The following CAB39L variants were observed in gnomAD, a reference collection of about 807,000 sequenced individuals.
The protein encoded by CAB39L is calcium binding protein 39 like.
A neutral mutation model predicts 39.1 loss-of-function variants in CAB39L; 23 were observed. The ratio of observed to expected loss-of-function variants is 0.59; its 90% CI spans 0.42 to 0.83. The LOEUF (loss-of-function observed/expected upper bound fraction) is 0.83, where lower values mean the gene tolerates loss of function less well. Among genes scored for constraint, CAB39L ranks in the 40% least tolerant of loss-of-function variants. CAB39L has a pLI of 0.00. For synonymous variants in CAB39L, 126 were observed against 137.2 expected (o/e 0.92, Z 0.57); for missense variants, 366 against 391.9 (o/e 0.93, Z 0.56).
intron 3 of CAB39L, among the ~76,000 whole-genome samples, chr13:49,406,260 C>G (rs1206980948): frequency 6.6e-6 from 1 of 150,880 alleles, no homozygotes; most frequent in Non-Finnish European, 1.5e-5. Context: ...CTCCGCCTCC[C>G]AGGTTCACGC....
chr13:49,310,700 G>T lies in CAB39L; in HGVS notation c.*114C>A. On this transcript the variant is annotated 3_prime_UTR_variant, in exon 11 of 11. Transcript: ENST00000409308. ...ACTCCATCTACCCAGAACAATTACA[G>T]CAGAAAAAATAGGCACCTCCAAAGT... 2 of 1,018,876 alleles carry T rather than the reference G, an allele frequency of 2.0e-6. No homozygotes were observed. The highest frequency in any genetic ancestry group is 2.9e-6 in the Non-Finnish European group (2 of 692,938). 63.1% of individuals were successfully genotyped at this position (1,018,876 alleles called of 1,614,324 possible). A position where few individuals can be genotyped will look rare whatever the true frequency, so the allele number is the denominator to read the frequency against.
chr13:49,323,738 T>C (rs7336904), intron 10 of CAB39L, among the ~76,000 whole-genome samples: 151,727 of 152,348 alleles, frequency 1, 75,557 homozygotes, highest in Middle Eastern at 1. Context: ...TTTTAAAAGA[T>C]ACTATATTAC....
intron 7 of CAB39L, 115 bp downstream of exon 7, chr13:49,350,628 TG>T: frequency 9.2e-6 from 6 of 648,764 alleles, no homozygotes; most frequent in Non-Finnish European, 1.3e-5. Flanking sequence ...ACATCATACA[TG>T]GTTGGCTACA....
At chr13:49,343,785 G>T (rs1955069281) in intron 8 of CAB39L, among the ~76,000 whole-genome samples, 1 of 152,124 alleles carries the variant, frequency 6.6e-6, no homozygotes, top group African/African-American at 2.4e-5. Flanking sequence ...GAAGGGAGTT[G>T]CAAGATAAAA....
intron 7 of CAB39L, among the ~76,000 whole-genome samples, chr13:49,345,506 G>A (rs1279576899): frequency 6.6e-6 from 1 of 152,090 alleles, no homozygotes; most frequent in Non-Finnish European, 1.5e-5. Flanking sequence ...CCATTTACAG[G>A]GGTTCCGTTC....
chr13:49,408,826 GT>G (rs1304089544), intron 3 of CAB39L, among the ~76,000 whole-genome samples: 42 of 151,982 alleles, frequency 2.8e-4, no homozygotes, highest in Admixed American at 6.5e-5. Flanking sequence ...GTGAGACCCT[GT>G]CCCCTCCCCC....
At chr13:49,411,759 G>A (rs1220896506) in intron 3 of CAB39L, among the ~76,000 whole-genome samples, 1 of 152,070 alleles carries the variant, frequency 6.6e-6, no homozygotes, top group Non-Finnish European at 1.5e-5. Context: ...TCACAGTTTT[G>A]AGCTAAGGAA....
chr13:49,404,055 C>T (rs1437524614), intron 3 of CAB39L, among the ~76,000 whole-genome samples: 2 of 152,184 alleles, frequency 1.3e-5, no homozygotes, highest in African/African-American at 4.8e-5. Context: ...ATAGTTGTTA[C>T]AGGCCTTGGG....
intron 3 of CAB39L, among the ~76,000 whole-genome samples, chr13:49,429,658 A>G (rs1957290683): frequency 1.3e-5 from 2 of 152,238 alleles, no homozygotes. Context: ...TTAACTAAAG[A>G]TGCTACCAGC....
chr13:49,377,155 C>G, intron 4 of CAB39L, 24 bp from the exon 5 acceptor site: 1 of 1,593,642 alleles, frequency 6.3e-7, no homozygotes, highest in Non-Finnish European at 8.6e-7. Flanking sequence ...CGTATGCTAA[C>G]GGTTAAAAGA....
intron 3 of CAB39L, among the ~76,000 whole-genome samples, chr13:49,431,963 CTA>C (rs1425039930): frequency 1.3e-5 from 2 of 151,994 alleles, no homozygotes; most frequent in Non-Finnish European, 2.9e-5. Context: ...AAGGAATAAA[CTA>C]TTAATATACA....
intron 3 of CAB39L, among the ~76,000 whole-genome samples, chr13:49,394,313 A>G (rs553824934): frequency 6.6e-6 from 1 of 151,274 alleles, no homozygotes; most frequent in East Asian, 1.9e-4. Flanking sequence ...TCTCTATAAT[A>G]AAAAAAAATG....
intron 10 of CAB39L, among the ~76,000 whole-genome samples, chr13:49,327,579 C>T (rs754128378): frequency 2.0e-5 from 3 of 152,194 alleles, no homozygotes; most frequent in Admixed American, 6.5e-5. Flanking sequence ...TCTGGGATTA[C>T]GGGCATGAGC....
At chr13:49,441,095 A>G (rs555457480) in intron 1 of CAB39L, among the ~76,000 whole-genome samples, 10 of 151,528 alleles carry the variant, frequency 6.6e-5, no homozygotes, top group Admixed American at 2.0e-4. Context: ...AAATTCTCTT[A>G]GCTTACTCTG....
At chr13:49,398,717 T>C (rs533605171) in intron 3 of CAB39L, among the ~76,000 whole-genome samples, 31 of 152,234 alleles carry the variant, frequency 2.0e-4, no homozygotes, top group Admixed American at 1.7e-3. Flanking sequence ...TTTCATATAC[T>C]GGCAATTCAC....
At chr13:49,373,311 A>G (rs1401600500) in intron 5 of CAB39L, among the ~76,000 whole-genome samples, 1 of 152,138 alleles carries the variant, frequency 6.6e-6, no homozygotes, top group Non-Finnish European at 1.5e-5. Flanking sequence ...TTGCCTAGAG[A>G]CTTCAGCCTT....
At chr13:49,390,578 G>C (rs918869821) in intron 3 of CAB39L, among the ~76,000 whole-genome samples, 1 of 151,794 alleles carries the variant, frequency 6.6e-6, no homozygotes. Context: ...GCAAACCCTG[G>C]GGGGGATGGT....
At chr13:49,385,002 CT>C (rs1364082943) in intron 3 of CAB39L, among the ~76,000 whole-genome samples, 3 of 152,236 alleles carry the variant, frequency 2.0e-5, no homozygotes, top group African/African-American at 7.2e-5. Context: ...TAGCTCCTAA[CT>C]AGAGAGTCAG....
intron 5 of CAB39L, 67 bp downstream of exon 5, chr13:49,376,900 T>TAGATAGATAGATAGATAGAC: frequency 8.1e-7 from 1 of 1,237,442 alleles, no homozygotes; most frequent in Non-Finnish European, 1.1e-6. Context: ...AGTAGATAGA[T>TAGATAGATAGATAGATAGAC]AGATAGATAG....
Sources: allele counts gnomAD v4.1 joint callset (sites outside exome capture counted in the v4.1 genomes callset), GRCh38; gene constraint gnomAD v4.1.1; transcripts MANE v1.5; gene names NCBI Gene and HGNC (gene_info 2026-07-23, HGNC 2026-07-21).